CSMD3: variants seen among roughly 807,000 people sequenced by gnomAD.
CSMD3 encodes CUB and sushi domain-containing protein 3.
In CSMD3, 177 loss-of-function variants were observed where a neutral mutation model predicts 435.2. The ratio of observed to expected loss-of-function variants is 0.41; its 90% CI spans 0.36 to 0.46. The LOEUF (loss-of-function observed/expected upper bound fraction) is 0.46, where lower values mean the gene tolerates loss of function less well. CSMD3 is among the 20% of genes least tolerant of loss of function. The pLI is 0.34. For missense variants in CSMD3, 4,265 were observed against 4,504.6 expected (o/e 0.95, Z 1.52); for synonymous variants, 1,656 against 1,520.5 (o/e 1.09, Z -2.07).
chr8:113,052,484 G>T (rs545280780), intron 5 of CSMD3, among the ~76,000 whole-genome samples: 1 of 152,290 alleles, frequency 6.6e-6, no homozygotes, highest in South Asian at 2.1e-4. Context: ...TATTAATCAA[G>T]ATAATAGTCC....
chr8:112,727,677 T>C (rs1008066960), intron 13 of CSMD3, among the ~76,000 whole-genome samples: 21 of 151,862 alleles, frequency 1.4e-4, no homozygotes, highest in African/African-American at 4.8e-4. Context: ...AGTCATTGTA[T>C]ACTATCTGTG....
At chr8:112,828,794 C>A (rs150490001) in intron 12 of CSMD3, among the ~76,000 whole-genome samples, 2 of 152,070 alleles carry the variant, frequency 1.3e-5, no homozygotes, top group African/African-American at 4.8e-5. Context: ...ATGATATCCA[C>A]GTTGCAGACA....
chr8:112,463,574 T>A (rs73702881), intron 32 of CSMD3, among the ~76,000 whole-genome samples: 2,648 of 152,246 alleles, frequency 0.017, 80 homozygotes, highest in African/African-American at 0.06. Context: ...GTTATCACAG[T>A]TTTAACCAAT....
chr8:112,359,145 T>G (rs906506645), intron 38 of CSMD3, among the ~76,000 whole-genome samples: 1 of 152,190 alleles, frequency 6.6e-6, no homozygotes, highest in Admixed American at 6.5e-5. Flanking sequence ...GCTAATCTAA[T>G]GCATATTTAA....
chr8:112,592,900 C>T (rs1831320757), intron 22 of CSMD3, among the ~76,000 whole-genome samples: 1 of 152,006 alleles, frequency 6.6e-6, no homozygotes, highest in Non-Finnish European at 1.5e-5. Flanking sequence ...AACATGTAGT[C>T]TCTAGTATGA....
rs368482061 is a variant in CSMD3, at chr8:112,381,888, G to T, written c.6032-1432C>A. Among the ~76,000 whole-genome samples, 9 of 152,228 alleles carry T rather than the reference G, an allele frequency of 5.9e-5. No individual in the cohort carries two copies. In the East Asian group the frequency reaches 1.5e-3, roughly 26 times the overall value. The stretch of plus-strand genomic sequence containing the variant: ...TGCTAGAAAGATCAAATAAGGAAAT[G>T]CATGGCAAATGTCACACAGAGCTAG... On this transcript the variant is annotated intron_variant, in intron 37 of 70. Transcript: ENST00000297405.
intron 4 of CSMD3, among the ~76,000 whole-genome samples, chr8:113,116,989 T>C (rs1475773654): frequency 6.6e-6 from 1 of 152,122 alleles, no homozygotes; most frequent in East Asian, 1.9e-4. Flanking sequence ...AAACACGGCA[T>C]AAAAGTTTGG....
chr8:112,690,587 A>AC (rs5894099), intron 13 of CSMD3, among the ~76,000 whole-genome samples: 1,713 of 131,176 alleles, frequency 0.013, 27 homozygotes, highest in East Asian at 0.075. Flanking sequence ...TCCCAACTAG[A>AC]CCCCCCCCCC....
chr8:112,897,674 C>T (rs1564079298), intron 10 of CSMD3, among the ~76,000 whole-genome samples: 1 of 54,142 alleles, frequency 1.8e-5, no homozygotes. Context: ...TTCTCTCTCT[C>T]TCTCTCTCTC....
intron 47 of CSMD3, among the ~76,000 whole-genome samples, chr8:112,318,575 G>A (rs906575307): frequency 6.6e-6 from 1 of 151,822 alleles, no homozygotes; most frequent in Non-Finnish European, 1.5e-5. Context: ...ATCCCTAAGA[G>A]CAAAATAATT....
chr8:113,286,267 T>G lies in CSMD3; in HGVS notation c.402-7563A>C, dbSNP rs77144950. On this transcript the variant is annotated intron_variant, in intron 2 of 70. Coordinates refer to ENST00000297405, the MANE Select transcript of CSMD3 (RefSeq NM_198123.2). ...CTTGAAATATTTCCTCTGTAAAAAC[T>G]TAGAAATGATAACGATATTTTATAC... Among the ~76,000 whole-genome samples, 1,100 of 152,206 alleles carry G rather than the reference T, an allele frequency of 7.2e-3. 9 individuals carry two copies. Among genetic ancestry groups the G allele is most frequent in the African/African-American group, 0.025 (1,057 of 41,526 alleles).
intron 22 of CSMD3, among the ~76,000 whole-genome samples, chr8:112,605,595 A>T (rs1466501697): frequency 6.7e-6 from 1 of 150,284 alleles, no homozygotes; most frequent in African/African-American, 2.4e-5. Context: ...ATGGAAACAA[A>T]GAAGGGAACA....
intron 62 of CSMD3, among the ~76,000 whole-genome samples, chr8:112,254,990 G>A (rs1031149810): frequency 2.6e-5 from 4 of 151,964 alleles, no homozygotes; most frequent in Non-Finnish European, 5.9e-5. Context: ...ACTTAATAAT[G>A]TCACTACCTG....
At chr8:113,174,430 A>G (rs1221812669) in intron 3 of CSMD3, among the ~76,000 whole-genome samples, 2 of 152,116 alleles carry the variant, frequency 1.3e-5, no homozygotes, top group Non-Finnish European at 2.9e-5. Context: ...ACGGTGAGCT[A>G]GAATTCCAAC....
intron 13 of CSMD3, among the ~76,000 whole-genome samples, chr8:112,797,085 T>G (rs2078847070): frequency 6.6e-6 from 1 of 151,990 alleles, no homozygotes; most frequent in African/African-American, 2.4e-5. Flanking sequence ...AAAAAAGCAT[T>G]CATAGTTCCA....
chr8:113,147,335 T>C (rs1785451003), intron 4 of CSMD3, among the ~76,000 whole-genome samples: 1 of 151,716 alleles, frequency 6.6e-6, no homozygotes, highest in African/African-American at 2.4e-5. Flanking sequence ...AAAGTTTTCA[T>C]TGTCTCATTC....
intron 32 of CSMD3, among the ~76,000 whole-genome samples, chr8:112,412,240 C>A (rs1563915661): frequency 6.6e-6 from 1 of 151,872 alleles, no homozygotes. Context: ...TTAAAAATTA[C>A]CTCTTAACAC....
intron 35 of CSMD3, among the ~76,000 whole-genome samples, chr8:112,398,615 A>G (rs550034432): frequency 2.0e-5 from 3 of 152,314 alleles, no homozygotes; most frequent in African/African-American, 7.2e-5. Context: ...CCAGACCCAC[A>G]GGAACTATCC....
At chr8:112,552,527 T>G in intron 26 of CSMD3, 67 bp downstream of exon 26, 1 of 1,463,428 alleles carries the variant, frequency 6.8e-7, no homozygotes, top group Non-Finnish European at 9.4e-7. Flanking sequence ...TGGATATTAA[T>G]TTTATATAGG....
Sources: allele counts gnomAD v4.1 joint callset (sites outside exome capture counted in the v4.1 genomes callset), GRCh38; gene constraint gnomAD v4.1.1; transcripts MANE v1.5; gene names NCBI Gene and HGNC (gene_info 2026-07-23, HGNC 2026-07-21).